SLC41A2: variants seen among roughly 807,000 people sequenced by gnomAD.
The protein encoded by SLC41A2 is SLC41A1-like 1.
In SLC41A2, 32 loss-of-function variants were observed where a neutral mutation model predicts 58.3. The ratio of observed to expected loss-of-function variants is 0.55; its 90% CI spans 0.41 to 0.74. The LOEUF (loss-of-function observed/expected upper bound fraction) is 0.74, where lower values mean the gene tolerates loss of function less well. Ranked by LOEUF, SLC41A2 falls within the 30% of genes least tolerant of loss-of-function variation. The pLI is 0.00. For synonymous variants in SLC41A2, 190 were observed against 235.0 expected (o/e 0.81, Z 1.75); for missense variants, 514 against 680.6 (o/e 0.76, Z 2.72).
intron 5 of SLC41A2, among the ~76,000 whole-genome samples, chr12:104,887,413 T>G (rs551232304): frequency 1.2e-4 from 18 of 152,026 alleles, no homozygotes; most frequent in Non-Finnish European, 1.8e-4. Flanking sequence ...CCCAGTGTTT[T>G]TTACTCTACC....
chr12:104,859,991 C>T (rs917842610), intron 8 of SLC41A2, among the ~76,000 whole-genome samples: 1 of 152,068 alleles, frequency 6.6e-6, no homozygotes. Context: ...GATCCACTTG[C>T]CTTGGCCTCG....
intron 1 of SLC41A2, among the ~76,000 whole-genome samples, chr12:104,935,965 C>A (rs1230116094): frequency 2.0e-5 from 3 of 151,968 alleles, no homozygotes; most frequent in African/African-American, 4.8e-5. Context: ...ATTGGTTGAA[C>A]CCAGGAGGCA....
chr12:104,815,739 A>G lies in SLC41A2; in HGVS notation c.1537-10402T>C, dbSNP rs1218976685. On this transcript the variant is annotated intron_variant, in intron 10 of 10. Transcript: ENST00000258538. ...CTACAAAAATATGCTTCCCTAATCC[A>G]GGTTTCCAGGCTGGAAACCCTACTC... Among the ~76,000 whole-genome samples the G allele has an allele frequency of 2.0e-5, 3 of 152,186 alleles. 1 individual carries two copies. Among genetic ancestry groups the G allele is most frequent in the Non-Finnish European group, 2.9e-5 (2 of 68,030 alleles).
At chr12:104,903,760 T>A (rs1342571290) in intron 3 of SLC41A2, among the ~76,000 whole-genome samples, 1 of 152,214 alleles carries the variant, frequency 6.6e-6, no homozygotes, top group African/African-American at 2.4e-5. Flanking sequence ...AACTATCTTC[T>A]TATCAGTAGC....
At chr12:104,892,307 AAAATAAAAT>A (rs1565879422) in intron 4 of SLC41A2, among the ~76,000 whole-genome samples, 18 of 119,362 alleles carry the variant, frequency 1.5e-4, no homozygotes, top group African/African-American at 8.2e-4. Context: ...AAAAAAAAAT[AAAATAAAAT>A]AAAATAAAAT....
chr12:104,954,299 TC>T (rs1298269624), intron 1 of SLC41A2, among the ~76,000 whole-genome samples: 3 of 152,228 alleles, frequency 2.0e-5, no homozygotes, highest in African/African-American at 7.2e-5. Context: ...GTCATTTCCA[TC>T]TAAATATTTC....
intron 6 of SLC41A2, among the ~76,000 whole-genome samples, chr12:104,882,630 A>G (rs1221829227): frequency 6.6e-6 from 1 of 152,138 alleles, no homozygotes; most frequent in Non-Finnish European, 1.5e-5. Flanking sequence ...TTTCTTTAAG[A>G]ATGTTGAATA....
intron 6 of SLC41A2, among the ~76,000 whole-genome samples, chr12:104,868,472 T>C (rs893204923): frequency 2.1e-5 from 3 of 145,940 alleles, no homozygotes; most frequent in African/African-American, 7.4e-5. Context: ...CCAGAATCAC[T>C]GCCCTGAATT....
intron 6 of SLC41A2, among the ~76,000 whole-genome samples, chr12:104,879,480 T>C (rs535473608): frequency 6.6e-6 from 1 of 152,348 alleles, no homozygotes; most frequent in South Asian, 2.1e-4. Context: ...GTATAAGGTG[T>C]AAGGAAGGGA....
intron 1 of SLC41A2, among the ~76,000 whole-genome samples, chr12:104,952,032 C>T (rs2047975940): frequency 6.6e-6 from 1 of 152,026 alleles, no homozygotes; most frequent in South Asian, 2.1e-4. Flanking sequence ...ATCTCTACTA[C>T]TGTTTCAATG....
chr12:104,943,572 C>G (rs989036583), intron 1 of SLC41A2, among the ~76,000 whole-genome samples: 4 of 152,210 alleles, frequency 2.6e-5, no homozygotes, highest in African/African-American at 4.8e-5. Context: ...AGCCCATACT[C>G]CGATGTTAAT....
At position 104,940,519 on chromosome 12, in the gene SLC41A2, AT is replaced by A. The variant is rs1239966476; in HGVS notation, c.-167-11826del. On this transcript the variant is annotated intron_variant, in intron 1 of 10. Transcript: ENST00000258538. Reference sequence around the variant, plus strand: ...TAATAAAAAACAAAAAAATAAAAAAATAAAATATAAGCTAAAAAAAAAAAAG... The same window carrying A: ...TAATAAAAAACAAAAAAATAAAAAAAAAAATATAAGCTAAAAAAAAAAAAG... Among the ~76,000 whole-genome samples the A allele has an allele frequency of 6.5e-3, 703 of 107,424 alleles. 5 individuals carry two copies. The highest frequency in any genetic ancestry group is 9.9e-3 in the Admixed American group (102 of 10,328). 70.5% of individuals were successfully genotyped at this position (107,424 alleles called of 152,430 possible). A position where few individuals can be genotyped will look rare whatever the true frequency, so the allele number is the denominator to read the frequency against.
chr12:104,866,382 A>G (rs75609806), intron 7 of SLC41A2, 50 bp downstream of exon 7: 6 of 24,774 alleles, frequency 2.4e-4, no homozygotes, highest in African/African-American at 6.7e-4. Flanking sequence ...AGACAGACGT[A>G]CACACACACA....
Position 104,894,931 on chromosome 12 carries a change from T to TA in SLC41A2, c.735+342dup, listed in dbSNP as rs199954643. ...CTCAGTTTATCTTTAAATATCAAAG[T>TA]AAAAAATAGCACTTAATGAAGTGCT... On this transcript the variant is annotated intron_variant, in intron 4 of 10. Transcript: ENST00000258538. 3.5e-3 allele frequency among the ~76,000 whole-genome samples: 527 copies of TA among 152,214 alleles called. 4 individuals are homozygous for TA. The highest frequency in any genetic ancestry group is 0.012 in the African/African-American group (499 of 41,536).
At chr12:104,853,911 AT>A (rs1555202443) in intron 8 of SLC41A2, among the ~76,000 whole-genome samples, 1,653 of 59,300 alleles carry the variant, frequency 0.028, 28 homozygotes, top group East Asian at 0.088. Context: ...TGCCTGGCTG[AT>A]TTTTTTTTTT....
In SLC41A2 at chr12:104,928,412, A is replaced by T. The variant is rs2046932635; in HGVS notation, c.116T>A (p.Leu39Ter). The change falls in exon 2 of 11, where the codon TTA becomes TAA. Residue 39 changes from leucine (L) to a stop codon, truncating the protein, a stop_gained. Coordinates refer to ENST00000258538, the MANE Select transcript of SLC41A2 (RefSeq NM_001352171.3). LOFTEE classifies it high-confidence loss of function. Reference protein sequence around the residue: ...RLNTIQSDKFLNLLLSMVPVI... With the variant: ...RLNTIQSDKF ...TGGAACCATACTCAAGAGTAAATTTAAAAACTTGTCGGATTGAATTGTGTT... is the reference window on the plus strand; with the variant it reads ...TGGAACCATACTCAAGAGTAAATTTTAAAACTTGTCGGATTGAATTGTGTT... 5 of 1,558,308 alleles carry T rather than the reference A, an allele frequency of 3.2e-6. No individual in the cohort carries two copies. Among genetic ancestry groups the T allele is most frequent in the Middle Eastern group, 3.3e-4 (2 of 6,028 alleles).
intron 10 of SLC41A2, chr12:104,833,940 A>G: frequency 1.2e-6 from 1 of 835,960 alleles, no homozygotes; most frequent in Non-Finnish European, 1.4e-6. Context: ...AAATTCCTCT[A>G]AATCATATCT....
chr12:104,941,096 G>T (rs2047496647), intron 1 of SLC41A2, among the ~76,000 whole-genome samples: 2 of 152,160 alleles, frequency 1.3e-5, no homozygotes, highest in South Asian at 4.1e-4. Flanking sequence ...GAACATGGAA[G>T]AGAGGTGAAA....
intron 2 of SLC41A2, among the ~76,000 whole-genome samples, chr12:104,923,204 C>CAAAAAAAAAAAAAAAAAAAAA (rs1267157553): frequency 1.8e-4 from 19 of 107,864 alleles, no homozygotes; most frequent in Middle Eastern, 4.8e-3. Flanking sequence ...CTACTAAAAG[C>CAAAAAAAAAAAAAAAAAAAAA]ACAAAAAATT....
Sources: allele counts gnomAD v4.1 joint callset (sites outside exome capture counted in the v4.1 genomes callset), GRCh38; gene constraint gnomAD v4.1.1; transcripts MANE v1.5; gene names NCBI Gene and HGNC (gene_info 2026-07-23, HGNC 2026-07-21).